TLK1: variants seen among roughly 807,000 people sequenced by gnomAD.
TLK1 encodes tousled like kinase 1.
In TLK1, 24 loss-of-function variants were observed where a neutral mutation model predicts 105.3. The ratio of observed to expected loss-of-function variants is 0.23; its 90% CI spans 0.17 to 0.32. The LOEUF (loss-of-function observed/expected upper bound fraction) is 0.32. Ranked by LOEUF, TLK1 falls within the 10% of genes least tolerant of loss-of-function variation. TLK1 has a pLI of 1.00. For synonymous variants in TLK1, 321 were observed against 310.4 expected (o/e 1.03, Z -0.36); for missense variants, 558 against 910.5 (o/e 0.61, Z 4.98).
At chr2:171,201,075 G>A (rs190898859) in intron 1 of TLK1, among the ~76,000 whole-genome samples, 7 of 151,858 alleles carry the variant, frequency 4.6e-5, no homozygotes, top group African/African-American at 1.7e-4. Context: ...GTAGAGAGGG[G>A]GTTTTACCAT....
intron 2 of TLK1, among the ~76,000 whole-genome samples, chr2:171,114,680 C>A: frequency 6.6e-6 from 1 of 151,938 alleles, no homozygotes; most frequent in East Asian, 1.9e-4. Flanking sequence ...ACTAAAAATA[C>A]AAAAATTAGC....
intron 8 of TLK1, among the ~76,000 whole-genome samples, chr2:171,053,019 G>A (rs1009576397): frequency 6.6e-6 from 1 of 152,186 alleles, no homozygotes; most frequent in African/African-American, 2.4e-5. Context: ...GTGAGTCTAA[G>A]GAGCATCAAG....
chr2:170,993,668 T>TATAA lies in TLK1; in HGVS notation c.*111_*112insTTAT, dbSNP rs1683893371. The TATAA allele has an allele frequency of 2.7e-6, 1 of 376,640 alleles. No homozygotes were observed. Among genetic ancestry groups the TATAA allele is most frequent in the East Asian group, 7.5e-5 (1 of 13,382 alleles). The allele number at this position is 376,640 out of a possible 1,614,324, so 23.3% of individuals were successfully genotyped here. ...AAACAGTTCTTAACCACGTCTTGTG[T>TATAA]AAAAAAAAAAAAAAAAAAAAAAGAA... On this transcript the variant is annotated 3_prime_UTR_variant, in exon 21 of 21. Transcript: ENST00000431350.
chr2:171,203,976 G>A (rs904898538), intron 1 of TLK1, among the ~76,000 whole-genome samples: 21 of 151,954 alleles, frequency 1.4e-4, no homozygotes, highest in Non-Finnish European at 2.2e-4. Flanking sequence ...CGCTTGAACC[G>A]GTGGGGGGCA....
chr2:171,041,347 T>C (rs1389200764), intron 11 of TLK1, among the ~76,000 whole-genome samples: 2 of 152,198 alleles, frequency 1.3e-5, no homozygotes, highest in African/African-American at 4.8e-5. Context: ...TTACTAAAAA[T>C]AATCTGGGAG....
chr2:171,200,629 A>C (rs1693381097), intron 1 of TLK1, among the ~76,000 whole-genome samples: 1 of 152,156 alleles, frequency 6.6e-6, no homozygotes. Flanking sequence ...TGGGAGGATC[A>C]AGCCCAGGAG....
chr2:171,166,041 G>A (rs1352830738), intron 1 of TLK1, among the ~76,000 whole-genome samples: 1 of 151,864 alleles, frequency 6.6e-6, no homozygotes. Flanking sequence ...TCCACATTCA[G>A]TAATGTTACA....
At chr2:171,081,714 G>A (rs1688761026) in intron 3 of TLK1, 1 of 1,304,110 alleles carries the variant, frequency 7.7e-7, no homozygotes, top group Non-Finnish European at 1.0e-6. Context: ...TGTTTCTGTG[G>A]AAGGGAAAGC....
chr2:171,123,705 G>A (rs2105542227), intron 1 of TLK1, among the ~76,000 whole-genome samples: 1 of 152,322 alleles, frequency 6.6e-6, no homozygotes, highest in East Asian at 1.9e-4. Context: ...CAGCTACTCA[G>A]GAGGCTGAGG....
chr2:171,142,371 TA>T (rs1691613330), intron 1 of TLK1, among the ~76,000 whole-genome samples: 1 of 152,204 alleles, frequency 6.6e-6, no homozygotes, highest in Non-Finnish European at 1.5e-5. Context: ...CAAACTAGTT[TA>T]TTTAAACTAG....
In TLK1 at chr2:171,006,576, T is replaced by C; in HGVS notation, c.1666A>G (p.Met556Val). The change falls in exon 17 of 21, where the codon ATG (methionine) becomes GTG (valine). Residue 556 changes from methionine to valine, a missense_variant. Physicochemically the swap from Met to Val is conservative, Grantham distance 21. Around this residue, in one of 5 missense-constraint regions of TLK1, gnomAD observed 218 missense variants for 492.9 expected, o/e 0.44. Transcript: ENST00000431350. ...ATAGACCGAGCTTCTTTCTCTGACA[T>C]TAACTTGTGTTGCTTCAGATAGAAA... ...LDFYLKQHKLMSEKEARSIVM... is the reference protein window; with the variant it reads ...LDFYLKQHKLVSEKEARSIVM... 6.2e-7 allele frequency: 1 copy of C among 1,613,176 alleles called. No homozygotes were observed. The highest frequency in any genetic ancestry group is 8.5e-7 in the Non-Finnish European group (1 of 1,179,720).
At chr2:171,069,052 T>C (rs183239124) in intron 3 of TLK1, among the ~76,000 whole-genome samples, 4 of 152,344 alleles carry the variant, frequency 2.6e-5, no homozygotes, top group Admixed American at 2.6e-4. Flanking sequence ...GATTAAACAT[T>C]TGTGAAGTGC....
chr2:171,127,887 T>G (rs1275078671), intron 1 of TLK1, among the ~76,000 whole-genome samples: 1 of 152,160 alleles, frequency 6.6e-6, no homozygotes, highest in East Asian at 1.9e-4. Context: ...TAGATATATA[T>G]GTACTGCACA....
intron 7 of TLK1, chr2:171,054,431 G>C (rs935771742): frequency 6.6e-6 from 1 of 152,300 alleles, no homozygotes; most frequent in Admixed American, 6.6e-5. Flanking sequence ...AACCTTTCAT[G>C]ATCTACTCAG....
At chr2:171,132,044 T>TAC (rs1369483298) in intron 1 of TLK1, among the ~76,000 whole-genome samples, 1 of 152,182 alleles carries the variant, frequency 6.6e-6, no homozygotes, top group Non-Finnish European at 1.5e-5. Context: ...TGTTTTTCTT[T>TAC]ACCATTGTAT....
chr2:171,082,740 TTTTAC>T (rs764483857), intron 3 of TLK1, 36 bp downstream of exon 3: 1 of 1,450,514 alleles, frequency 6.9e-7, no homozygotes, highest in Non-Finnish European at 9.6e-7. Flanking sequence ...TGATTCCAGC[TTTTAC>T]TTTAATAGCA....
chr2:171,170,569 T>C (rs1474144486), intron 1 of TLK1, among the ~76,000 whole-genome samples: 1 of 152,192 alleles, frequency 6.6e-6, no homozygotes, highest in Non-Finnish European at 1.5e-5. Flanking sequence ...TTAAGAGTCA[T>C]TGCGCCACCA....
chr2:171,122,259 C>T (rs772027043), intron 1 of TLK1, among the ~76,000 whole-genome samples: 2 of 152,120 alleles, frequency 1.3e-5, no homozygotes, highest in African/African-American at 4.8e-5. Flanking sequence ...CCACCGCACC[C>T]GGCCCTAATA....
intron 1 of TLK1, among the ~76,000 whole-genome samples, chr2:171,173,149 G>A (rs1692760107): frequency 6.6e-6 from 1 of 152,154 alleles, no homozygotes; most frequent in African/African-American, 2.4e-5. Flanking sequence ...AAACTCTGGT[G>A]CAACATGACA....
Sources: allele counts gnomAD v4.1 joint callset (sites outside exome capture counted in the v4.1 genomes callset), GRCh38; gene constraint gnomAD v4.1.1; regional missense constraint gnomAD v4.1.1; transcripts MANE v1.5; gene names NCBI Gene and HGNC (gene_info 2026-07-23, HGNC 2026-07-21).